Variants in SPATA17 observed in about 807,000 individuals in gnomAD.
The protein encoded by SPATA17 is spermatogenesis associated 17.
Under a neutral mutation model 62.2 loss-of-function variants are expected in SPATA17, and 53 were observed. That is an observed-to-expected ratio of 0.85 (90% CI 0.68 to 1.07). The LOEUF (loss-of-function observed/expected upper bound fraction) is 1.07, where lower values mean the gene tolerates loss of function less well. Among genes scored for constraint, SPATA17 ranks in the 50% least tolerant of loss-of-function variants. The pLI, the probability that SPATA17 is intolerant of heterozygous loss-of-function variation, is 0.00. For synonymous variants in SPATA17, 146 were observed against 146.8 expected, an observed-to-expected ratio of 0.99 and a Z score of 0.04; for missense variants, 466 against 425.5, an observed-to-expected ratio of 1.10 and a Z score of -0.84.
chr1:217,749,152 G>A (rs190245141), intron 6 of SPATA17, among the ~76,000 whole-genome samples: 2,052 of 152,260 alleles, frequency 0.013, 15 homozygotes, highest in Non-Finnish European at 0.02. Flanking sequence ...GTAATGTTAA[G>A]ATTACCTGTA....
intron 5 of SPATA17, among the ~76,000 whole-genome samples, chr1:217,740,058 C>A (rs1290583649): frequency 6.6e-6 from 1 of 151,640 alleles, no homozygotes; most frequent in Non-Finnish European, 1.5e-5. Flanking sequence ...TGAAGATGAA[C>A]TGTTTTTACT....
At chr1:217,753,965 T>A (rs1329523846) in intron 6 of SPATA17, among the ~76,000 whole-genome samples, 1 of 152,176 alleles carries the variant, frequency 6.6e-6, no homozygotes, top group Non-Finnish European at 1.5e-5. Context: ...CCCAGCACAG[T>A]GTCTCACGCC....
intron 9 of SPATA17, among the ~76,000 whole-genome samples, chr1:217,852,519 T>G (rs1053325095): frequency 8.5e-5 from 13 of 152,152 alleles, no homozygotes; most frequent in African/African-American, 3.1e-4. Flanking sequence ...TTGAAAGAAG[T>G]GAAATTAACA....
intron 3 of SPATA17, among the ~76,000 whole-genome samples, chr1:217,654,166 C>T (rs1470594815): frequency 1.4e-5 from 2 of 146,040 alleles, no homozygotes; most frequent in Non-Finnish European, 3.0e-5. Flanking sequence ...GAGACAAAGT[C>T]TTGCTCTGTT....
At chr1:217,723,014 G>T (rs575997218) in intron 5 of SPATA17, among the ~76,000 whole-genome samples, 29 of 152,312 alleles carry the variant, frequency 1.9e-4, no homozygotes, top group African/African-American at 7.0e-4. Context: ...GAGGGACTTA[G>T]TCTGGAGTAG....
intron 6 of SPATA17, among the ~76,000 whole-genome samples, chr1:217,770,142 TA>T (rs1433338225): frequency 6.6e-6 from 1 of 152,234 alleles, no homozygotes; most frequent in East Asian, 1.9e-4. Flanking sequence ...CCTACTGGCT[TA>T]GTATATCATT....
At chr1:217,769,449 G>A (rs935219976) in intron 6 of SPATA17, among the ~76,000 whole-genome samples, 1 of 152,318 alleles carries the variant, frequency 6.6e-6, no homozygotes, top group Non-Finnish European at 1.5e-5. Flanking sequence ...GAGGAACTCA[G>A]GAAGAATGGT....
At position 217,749,983 on chromosome 1, in the gene SPATA17, C is replaced by CTATATATATATA. The variant is rs1387385689; in HGVS notation, c.519+7886_519+7887insATATATATATAT. 2.7e-3 allele frequency among the ~76,000 whole-genome samples: 64 copies of CTATATATATATA among 24,054 alleles called. 1 individual carries two copies. The highest frequency in any genetic ancestry group is 0.017 in the Middle Eastern group (1 of 58). The allele number at this position is 24,054 out of a possible 152,430, so 15.8% of individuals were successfully genotyped here. A position where few individuals can be genotyped will look rare whatever the true frequency, so the allele number is the denominator to read the frequency against. ...TCTCTCTCTCTCTCTCTCTCTCTCT[C>CTATATATATATA]TCTATATATATATATATATATATAT... On this transcript the variant is annotated intron_variant, in intron 6 of 10. Transcript: ENST00000366933.
Position 217,797,255 on chromosome 1 carries a change from T to C in SPATA17, c.873-4463T>C, listed in dbSNP as rs559317540. Among the ~76,000 whole-genome samples the C allele has an allele frequency of 3.8e-3, 556 of 145,374 alleles. 4 individuals are homozygous for C. Among genetic ancestry groups the C allele is most frequent in the African/African-American group, 0.012 (441 of 37,924 alleles). On this transcript the variant is annotated intron_variant, in intron 8 of 10. Transcript: ENST00000366933. ...TACTATTTTCTTTCTTTCTTTCTTT[T>C]TTTTTTTTTTTTGAGATGGAGTCTC...
At chr1:217,805,335 T>A (rs1464841448) in intron 9 of SPATA17, among the ~76,000 whole-genome samples, 2 of 151,988 alleles carry the variant, frequency 1.3e-5, no homozygotes, top group East Asian at 1.9e-4. Context: ...AAAATCAAAC[T>A]CAGAAGTACA....
At chr1:217,770,054 C>T (rs753123227) in intron 6 of SPATA17, among the ~76,000 whole-genome samples, 27 of 151,228 alleles carry the variant, frequency 1.8e-4, no homozygotes, top group African/African-American at 6.6e-4. Flanking sequence ...CAGTCCCTAC[C>T]CTAGCAAATA....
chr1:217,677,939 G>A (rs1438907683), intron 4 of SPATA17, among the ~76,000 whole-genome samples: 1 of 151,988 alleles, frequency 6.6e-6, no homozygotes, highest in African/African-American at 2.4e-5. Flanking sequence ...AATATAAATG[G>A]TTGTGACGTG....
At chr1:217,860,967 A>G (rs937118782) in intron 9 of SPATA17, among the ~76,000 whole-genome samples, 9 of 151,998 alleles carry the variant, frequency 5.9e-5, no homozygotes, top group African/African-American at 2.2e-4. Context: ...TCTTTCACTC[A>G]GCATATCAAA....
chr1:217,853,622 A>C (rs550248716), intron 9 of SPATA17, among the ~76,000 whole-genome samples: 2 of 152,170 alleles, frequency 1.3e-5, no homozygotes, highest in South Asian at 2.1e-4. Context: ...GTCACCTCAA[A>C]CACTGAATTG....
At chr1:217,792,681 A>G (rs898241755) in intron 8 of SPATA17, among the ~76,000 whole-genome samples, 5 of 152,198 alleles carry the variant, frequency 3.3e-5, no homozygotes. Context: ...GCTTGGAACA[A>G]AATAGACAAT....
At chr1:217,744,066 C>T (rs377335494) in intron 6 of SPATA17, among the ~76,000 whole-genome samples, 1 of 152,058 alleles carries the variant, frequency 6.6e-6, no homozygotes, top group Non-Finnish European at 1.5e-5. Context: ...CTATGGAGTG[C>T]TTACCATGTG....
intron 5 of SPATA17, among the ~76,000 whole-genome samples, chr1:217,711,800 T>C (rs1671871303): frequency 6.6e-6 from 1 of 152,162 alleles, no homozygotes; most frequent in South Asian, 2.1e-4. Context: ...AGACTGGGAC[T>C]ATAATACGTT....
intron 1 of SPATA17, among the ~76,000 whole-genome samples, chr1:217,644,398 A>G (rs1670134636): frequency 6.6e-6 from 1 of 152,224 alleles, no homozygotes; most frequent in Admixed American, 6.5e-5. Context: ...AATTATATGC[A>G]AAACAATAAT....
intron 9 of SPATA17, among the ~76,000 whole-genome samples, chr1:217,839,183 A>G (rs1230541580): frequency 6.6e-6 from 1 of 152,092 alleles, no homozygotes; most frequent in African/African-American, 2.4e-5. Context: ...AGACAGAGTG[A>G]CAATCACAGC....
Sources: allele counts gnomAD v4.1 joint callset (sites outside exome capture counted in the v4.1 genomes callset), GRCh38; gene constraint gnomAD v4.1.1; transcripts MANE v1.5; gene names NCBI Gene and HGNC (gene_info 2026-07-23, HGNC 2026-07-21).